The following CPEB4 variants were observed in gnomAD, a reference collection of about 807,000 sequenced individuals.
CPEB4 encodes the protein cytoplasmic polyadenylation element-binding protein 4.
In CPEB4, 12 loss-of-function variants were observed where a neutral mutation model predicts 72.5. The observed-to-expected ratio is 0.17, with a 90% CI of 0.11 to 0.27. The LOEUF is 0.27. CPEB4 is among the 10% of genes least tolerant of loss of function. The pLI is 1.00. For missense variants in CPEB4, 614 were observed against 908.5 expected (o/e 0.68, Z 4.17); for synonymous variants, 302 against 326.3 (o/e 0.93, Z 0.80).
chr5:173,925,131 G>A (rs567924151), intron 2 of CPEB4, among the ~76,000 whole-genome samples: 1 of 152,316 alleles, frequency 6.6e-6, no homozygotes, highest in Admixed American at 6.5e-5. Flanking sequence ...TTACCCAGAA[G>A]TTGAAGTTAT....
In CPEB4 at chr5:173,890,100, T is replaced by C. The variant is rs756721024; in HGVS notation, c.367T>C (p.Ser123Pro). Residue 123 changes from serine to proline, a missense_variant, in exon 1 of 10, where the codon TCT becomes CCT. Ser to Pro is a moderately conservative substitution (Grantham distance 74). Around this residue, in one of 5 missense-constraint regions of CPEB4, gnomAD observed 458 missense variants for 548.6 expected, o/e 0.83. Coordinates refer to ENST00000265085, the MANE Select transcript of CPEB4 (RefSeq NM_030627.4). ...ATCAGAAGAAAATCAAGGGGACAAT[T>C]CTTCGGAAAATGGCAATGGGAAGGA... The part of the protein sequence containing the change: ...AKSEENQGDN[S>P]SENGNGKEKI... 59 of 1,614,014 alleles carry C rather than the reference T, an allele frequency of 3.7e-5. No individual in the cohort carries two copies. The highest frequency in any genetic ancestry group is 4.5e-5 in the Non-Finnish European group (53 of 1,180,030).
chr5:173,897,156 C>G (rs1756046401), intron 1 of CPEB4, among the ~76,000 whole-genome samples: 1 of 152,120 alleles, frequency 6.6e-6, no homozygotes, highest in South Asian at 2.1e-4. Context: ...AAATATTTAG[C>G]AGAATTATCA....
intron 1 of CPEB4, among the ~76,000 whole-genome samples, chr5:173,907,165 G>T (rs1756470358): frequency 2.0e-5 from 3 of 152,200 alleles, no homozygotes; most frequent in Non-Finnish European, 2.9e-5. Context: ...TACTCAGGAG[G>T]CTGAGGCAGG....
At chr5:173,896,148 G>A (rs963915596) in intron 1 of CPEB4, among the ~76,000 whole-genome samples, 2 of 152,068 alleles carry the variant, frequency 1.3e-5, no homozygotes, top group Admixed American at 6.6e-5. Context: ...TTGATAATTC[G>A]CTGTCATATT....
intron 1 of CPEB4, among the ~76,000 whole-genome samples, chr5:173,899,828 A>G (rs1756159790): frequency 6.6e-6 from 1 of 152,068 alleles, no homozygotes; most frequent in South Asian, 2.1e-4. Flanking sequence ...TCAGTGCACA[A>G]ATGTTTGATG....
chr5:173,900,060 T>C lies in CPEB4; in HGVS notation c.1125+9202T>C, dbSNP rs1463551434. ...TGCCTTTTGAGATCACTGTCAAGGC[T>C]CACAGAAGAGATGTCGAGGGTTACA... On this transcript the variant is annotated intron_variant, in intron 1 of 9. Transcript: ENST00000265085. The surrounding 1 kb of genome is among the most constrained non-coding windows in gnomAD (Gnocchi z 4.4). Among the ~76,000 whole-genome samples the C allele has an allele frequency of 6.6e-6, 1 of 152,084 alleles. No individual in the cohort carries two copies. Among genetic ancestry groups the C allele is most frequent in the Non-Finnish European group, 1.5e-5 (1 of 68,016 alleles).
At position 173,947,164 on chromosome 5, in the gene CPEB4, C is replaced by CT. The variant is rs145776580; in HGVS notation, c.1456+2027dup. Among the ~76,000 whole-genome samples, 1,298 of 152,318 alleles carry CT rather than the reference C, an allele frequency of 8.5e-3. 20 individuals are homozygous for CT. Among genetic ancestry groups the CT allele is most frequent in the African/African-American group, 0.03 (1,245 of 41,560 alleles). ...TCTTATCTACACATGCTTACCTACT[C>CT]TTTCTAGAAGTCTCTTTGAAATGTA... On this transcript the variant is annotated intron_variant, in intron 5 of 9. Transcript: ENST00000265085.
chr5:173,888,516 G>A lies in CPEB4; in HGVS notation c.-1218G>A. The A allele has an allele frequency of 2.5e-6, 1 of 406,918 alleles. No individual in the cohort carries two copies. Among genetic ancestry groups the A allele is most frequent in the Non-Finnish European group, 4.3e-6 (1 of 231,770 alleles). The allele number at this position is 406,918 out of a possible 1,614,324, so 25.2% of individuals were successfully genotyped here. On this transcript the variant is annotated 5_prime_UTR_variant, in exon 1 of 10. Transcript: ENST00000265085. The surrounding 1 kb of genome is among the most constrained non-coding windows in gnomAD (Gnocchi z 4.3). ...AGGAGTCCTCAACAACGACAGCGGG[G>A]ACTGCGGGACCAGGGTAAAGCGGCG...
intron 2 of CPEB4, among the ~76,000 whole-genome samples, chr5:173,916,119 A>G (rs1756857481): frequency 6.6e-6 from 1 of 152,244 alleles, no homozygotes; most frequent in Non-Finnish European, 1.5e-5. Flanking sequence ...AGACAGCAAA[A>G]TTATTGAGAG....
In CPEB4 at chr5:173,930,644, C is replaced by T. The variant is rs1446697335; in HGVS notation, c.1208-1806C>T. ...GGACTAAGCTGAAATTTAAATGGAA[C>T]GATTACCAACTTAGTTTCTTTTAAA... On this transcript the variant is annotated intron_variant, in intron 2 of 9. Coordinates refer to ENST00000265085, the MANE Select transcript of CPEB4 (RefSeq NM_030627.4). 3.3e-5 allele frequency among the ~76,000 whole-genome samples: 5 copies of T among 152,164 alleles called. No homozygotes were observed. The South Asian group carries it at 6.2e-4, about 19-fold the overall frequency.
intron 4 of CPEB4, among the ~76,000 whole-genome samples, chr5:173,944,474 C>CAAAA (rs5873401): frequency 8.4e-6 from 1 of 118,546 alleles, no homozygotes. Flanking sequence ...GACACTGTCT[C>CAAAA]AAAAAAAAAA....
At chr5:173,936,487 T>A (rs559092839) in intron 3 of CPEB4, among the ~76,000 whole-genome samples, 7 of 152,158 alleles carry the variant, frequency 4.6e-5, no homozygotes, top group African/African-American at 1.2e-4. Context: ...CTTCAACATA[T>A]GAATTTGGGC....
intron 1 of CPEB4, among the ~76,000 whole-genome samples, chr5:173,905,355 A>G (rs2113158215): frequency 6.7e-6 from 1 of 149,530 alleles, no homozygotes; most frequent in Non-Finnish European, 1.5e-5. Context: ...TTTTTTTTTG[A>G]GATGGAGTCT....
intron 2 of CPEB4, among the ~76,000 whole-genome samples, chr5:173,929,032 C>T (rs1230838848): frequency 6.6e-6 from 1 of 152,216 alleles, no homozygotes; most frequent in Non-Finnish European, 1.5e-5. Context: ...CAACAGGAAT[C>T]ATATCACAAG....
Position 173,888,410 on chromosome 5 carries a change from C to T in CPEB4, c.-1324C>T, listed in dbSNP as rs1755682523. ...GCTGCGGGACCCGGGCACCGGGAGG[C>T]GGTGGCGGCGGCGGCGGCGGCAGCA... On this transcript the variant is annotated 5_prime_UTR_variant, in exon 1 of 10. Transcript: ENST00000265085. The surrounding 1 kb of genome is among the most constrained non-coding windows in gnomAD (Gnocchi z 4.3). 4.6e-6 allele frequency: 2 copies of T among 438,550 alleles called. No individual in the cohort carries two copies. Among genetic ancestry groups the T allele is most frequent in the Non-Finnish European group, 7.9e-6 (2 of 253,356 alleles). The allele number at this position is 438,550 out of a possible 1,614,324, so 27.2% of individuals were successfully genotyped here.
chr5:173,935,705 GT>G (rs1417538026), intron 3 of CPEB4, among the ~76,000 whole-genome samples: 2 of 151,998 alleles, frequency 1.3e-5, no homozygotes, highest in African/African-American at 4.8e-5. Flanking sequence ...TTAGAAAGAG[GT>G]TTAAATCCTC....
rs1036257238 is a variant in CPEB4, at chr5:173,959,862, T to G, written c.*3725T>G. 1.3e-5 allele frequency: 2 copies of G among 152,442 alleles called. No homozygotes were observed. Among genetic ancestry groups the G allele is most frequent in the East Asian group, 3.8e-4 (2 of 5,262 alleles). 9.4% of individuals were successfully genotyped at this position (152,442 alleles called of 1,614,324 possible). On this transcript the variant is annotated 3_prime_UTR_variant, in exon 10 of 10. Transcript: ENST00000265085. ...TTTAAAGTATAATTAGTTTTTATAATTTTCATCAGATTTTTGTTATATTTT... is the reference window on the plus strand; with the variant it reads ...TTTAAAGTATAATTAGTTTTTATAAGTTTCATCAGATTTTTGTTATATTTT...
chr5:173,918,982 G>A (rs1470952538), intron 2 of CPEB4, among the ~76,000 whole-genome samples: 1 of 152,056 alleles, frequency 6.6e-6, no homozygotes, highest in Non-Finnish European at 1.5e-5. Flanking sequence ...GATGGGGGAA[G>A]TATTATAATA....
chr5:173,895,412 GA>G (rs1755970351), intron 1 of CPEB4, among the ~76,000 whole-genome samples: 1 of 152,126 alleles, frequency 6.6e-6, no homozygotes, highest in African/African-American at 2.4e-5. Flanking sequence ...AGGTAGGAAG[GA>G]AAAAGACAAA....
Sources: gnomAD v4.1 joint callset for allele counts (sites outside exome capture counted in the v4.1 genomes callset) on GRCh38, gnomAD v4.1.1 for gene constraint, gnomAD v4.1.1 regional missense constraint, Gnocchi (gnomAD v3.1) non-coding constraint, MANE v1.5 for transcripts, NCBI Gene and HGNC (gene_info 2026-07-23, HGNC 2026-07-21) for gene names.